Variants in TMEM116 observed in about 807,000 individuals in gnomAD.
TMEM116 encodes the protein transmembrane protein 116.
TMEM116 carries 38 observed loss-of-function variants against 44.3 expected under a neutral mutation model. The observed-to-expected ratio is 0.86, with a 90% confidence interval of 0.66 to 1.12. TMEM116 has a LOEUF of 1.12. Among genes scored for constraint, TMEM116 ranks in the 50% most tolerant of loss-of-function variants. TMEM116 has a pLI of 0.00. For missense variants in TMEM116, 354 were observed against 401.7 expected, an observed-to-expected ratio of 0.88 and a Z score of 1.01; for synonymous variants, 132 against 144.8, an observed-to-expected ratio of 0.91 and a Z score of 0.64.
At chr12:111,998,975 A>G (rs937461553) in intron 3 of TMEM116, among the ~76,000 whole-genome samples, 1 of 152,208 alleles carries the variant, frequency 6.6e-6, no homozygotes, top group Admixed American at 6.5e-5. Flanking sequence ...AGTTCAATCA[A>G]TTATACAACA....
chr12:111,944,371 T>C (rs2073087605), intron 4 of TMEM116, among the ~76,000 whole-genome samples: 1 of 151,326 alleles, frequency 6.6e-6, no homozygotes, highest in Non-Finnish European at 1.5e-5. Flanking sequence ...TAAGAGCGAG[T>C]ATAGGAGGGC....
chr12:111,980,288 A>G (rs189740567), intron 4 of TMEM116, among the ~76,000 whole-genome samples: 2 of 152,336 alleles, frequency 1.3e-5, no homozygotes, highest in African/African-American at 4.8e-5. Flanking sequence ...CCTTAAATAC[A>G]TATTGCTAAG....
At chr12:111,986,654 C>G (rs2076244807) in intron 4 of TMEM116, among the ~76,000 whole-genome samples, 2 of 151,882 alleles carry the variant, frequency 1.3e-5, no homozygotes, top group South Asian at 4.2e-4. Context: ...ACCAAAAATA[C>G]AAAAATTATC....
intron 3 of TMEM116, among the ~76,000 whole-genome samples, chr12:112,002,029 C>T (rs147148784): frequency 2.0e-5 from 3 of 152,106 alleles, no homozygotes; most frequent in South Asian, 2.1e-4. Context: ...CAATATCAGA[C>T]TAATAATATC....
chr12:112,009,853 AAAAAC>A (rs1565981828), intron 1 of TMEM116, among the ~76,000 whole-genome samples: 1 of 152,114 alleles, frequency 6.6e-6, no homozygotes, highest in Non-Finnish European at 1.5e-5. Context: ...CAAAAAAAAA[AAAAAC>A]AAAACAAAAC....
At chr12:111,980,823 C>T (rs1414546120) in intron 4 of TMEM116, among the ~76,000 whole-genome samples, 1 of 152,142 alleles carries the variant, frequency 6.6e-6, no homozygotes, top group Non-Finnish European at 1.5e-5. Context: ...CCTGTAATCT[C>T]AGCACTTTGG....
intron 10 of TMEM116, 128 bp downstream of exon 10, chr12:111,932,458 A>G: frequency 1.3e-6 from 1 of 754,244 alleles, no homozygotes; most frequent in Middle Eastern, 3.1e-4. Flanking sequence ...GAGTGTAAAT[A>G]ATACATTTTC....
chr12:111,936,951 G>C, intron 7 of TMEM116, 121 bp from the exon 8 acceptor site: 1 of 1,144,910 alleles, frequency 8.7e-7, no homozygotes, highest in Non-Finnish European at 1.2e-6. Flanking sequence ...ATAAAACCTT[G>C]TCTCTCCCCC....
chr12:112,006,025 C>CA, intron 1 of TMEM116: 1 of 982,538 alleles, frequency 1.0e-6, no homozygotes, highest in Non-Finnish European at 1.2e-6. Flanking sequence ...TACCCTTGAG[C>CA]AGCCGATCCT....
At chr12:111,988,847 C>A (rs1452328844) in intron 4 of TMEM116, among the ~76,000 whole-genome samples, 2 of 151,650 alleles carry the variant, frequency 1.3e-5, no homozygotes, top group Non-Finnish European at 2.9e-5. Flanking sequence ...AAAAAATAAG[C>A]CAGGTGTGGT....
rs1452904726 is a variant in TMEM116 at position 111,940,523 on chromosome 12, G to GTGTGTATATATATATA, written c.316-2314_316-2313insTATATATATATACACA. On this transcript the variant is annotated intron_variant, in intron 5 of 10. Coordinates refer to ENST00000552374, the MANE Select transcript of TMEM116 (RefSeq NM_001193531.2). ...CATATATATACACACATATATATGT[G>GTGTGTATATATATATA]TATATATATATATATATATATACAC... Among the ~76,000 whole-genome samples, 5 of 104,934 alleles carry GTGTGTATATATATATA rather than the reference G, an allele frequency of 4.8e-5. No homozygotes were observed. The East Asian group carries it at 3.3e-3, about 70-fold the overall frequency. 68.8% of individuals were successfully genotyped at this position (104,934 alleles called of 152,430 possible). A position where few individuals can be genotyped will look rare whatever the true frequency, so the allele number is the denominator to read the frequency against.
At chr12:111,954,565 AAGACTT>A (rs1441062503) in intron 4 of TMEM116, among the ~76,000 whole-genome samples, 11 of 152,374 alleles carry the variant, frequency 7.2e-5, no homozygotes, top group African/African-American at 2.4e-4. Context: ...AGATAAAACT[AAGACTT>A]AGAGAAGTTC....
At chr12:112,005,160 G>A in intron 2 of TMEM116, 97 bp downstream of exon 2, 1 of 756,434 alleles carries the variant, frequency 1.3e-6, no homozygotes. Flanking sequence ...TTTAACTAAA[G>A]AGTAAAAGCA....
chr12:112,011,126 T>G (rs2077818573), intron 1 of TMEM116: 1 of 152,136 alleles, frequency 6.6e-6, no homozygotes, highest in Non-Finnish European at 1.5e-5. Flanking sequence ...GTCTTGCTGG[T>G]CCCCCAAGGG....
chr12:111,940,529 A>ATATATATACACACACATATATATGTG (rs2072688996), intron 5 of TMEM116, among the ~76,000 whole-genome samples: 6 of 119,156 alleles, frequency 5.0e-5, no homozygotes, highest in East Asian at 5.9e-4. Flanking sequence ...ATGTGTATAT[A>ATATATATACACACACATATATATGTG]TATATATATA....
chr12:111,945,412 C>A (rs1009732399), intron 4 of TMEM116, among the ~76,000 whole-genome samples: 1 of 148,102 alleles, frequency 6.8e-6, no homozygotes, highest in Non-Finnish European at 1.5e-5. Flanking sequence ...GTAGAGGGAA[C>A]CAGGATGTCA....
chr12:112,001,382 T>C (rs576444099), intron 3 of TMEM116, among the ~76,000 whole-genome samples: 16 of 152,246 alleles, frequency 1.1e-4, no homozygotes, highest in Admixed American at 3.3e-4. Flanking sequence ...GATATGATCA[T>C]AGCTCACTGC....
chr12:111,973,888 T>G lies in TMEM116; in HGVS notation c.210+17870A>C, dbSNP rs545900094. ...GCAGATCGTGGCCTGCACTCCAAGC[T>G]GGGCAACAAAAGCGAGACTTTGTCA... On this transcript the variant is annotated intron_variant, in intron 4 of 10. Transcript: ENST00000552374. 4.6e-5 allele frequency among the ~76,000 whole-genome samples: 7 copies of G among 151,972 alleles called. No homozygotes were observed. In the South Asian group the frequency reaches 1.5e-3, roughly 32 times the overall value.
chr12:111,960,130 C>T (rs555863769), intron 4 of TMEM116, among the ~76,000 whole-genome samples: 11 of 152,166 alleles, frequency 7.2e-5, no homozygotes, highest in South Asian at 6.2e-4. Context: ...TGCAAAAGAA[C>T]GGAAATCGTA....
Sources: gnomAD v4.1 joint callset for allele counts (sites outside exome capture counted in the v4.1 genomes callset) on GRCh38, gnomAD v4.1.1 for gene constraint, MANE v1.5 for transcripts, NCBI Gene and HGNC (gene_info 2026-07-23, HGNC 2026-07-21) for gene names.